PYROXD2: variants seen among roughly 807,000 people sequenced by gnomAD.
PYROXD2 encodes pyridine nucleotide-disulfide oxidoreductase domain-containing protein 2.
In PYROXD2, 69 loss-of-function variants were observed where a neutral mutation model predicts 71.1. The ratio of observed to expected loss-of-function variants is 0.97; its 90% CI spans 0.80 to 1.19. PYROXD2 has a LOEUF of 1.19. Ranked by LOEUF, PYROXD2 falls within the 50% of genes most tolerant of loss-of-function variation. The pLI is 0.00. For missense variants in PYROXD2, 745 were observed against 748.9 expected (o/e 0.99, Z 0.06); for synonymous variants, 287 against 302.7 (o/e 0.95, Z 0.54).
In PYROXD2 at chr10:98,399,902, G is replaced by A. The variant is rs533367407; in HGVS notation, c.471+200C>T. ...GGTGAGCAGGCCTCCCAGTCCACTGGTCTTAATCAGCATCCTCCACCCGCT... is the reference window on the plus strand; with the variant it reads ...GGTGAGCAGGCCTCCCAGTCCACTGATCTTAATCAGCATCCTCCACCCGCT... On this transcript the variant is annotated intron_variant, in intron 5 of 15. Transcript: ENST00000370575. Among the ~76,000 whole-genome samples the A allele has an allele frequency of 8.1e-4, 124 of 152,310 alleles. 1 individual carries two copies. The highest frequency in any genetic ancestry group is 1.4e-3 in the Non-Finnish European group (93 of 68,024).
intron 4 of PYROXD2, among the ~76,000 whole-genome samples, chr10:98,403,931 C>T (rs1843507904): frequency 6.6e-6 from 1 of 152,170 alleles, no homozygotes; most frequent in East Asian, 1.9e-4. Context: ...AAATCAGGGA[C>T]CTAAGAGGAA....
intron 2 of PYROXD2, chr10:98,410,672 TC>T: frequency 2.0e-6 from 1 of 512,512 alleles, no homozygotes; most frequent in South Asian, 3.1e-5. Context: ...TTCTGGAAGC[TC>T]CCTGACTCCC....
At chr10:98,412,604 C>T (rs777740849) in intron 1 of PYROXD2, among the ~76,000 whole-genome samples, 1 of 152,186 alleles carries the variant, frequency 6.6e-6, no homozygotes, top group Non-Finnish European at 1.5e-5. Context: ...AAATGAGATT[C>T]ATCTTCAAGG....
At chr10:98,395,570 C>T (rs933015058) in intron 6 of PYROXD2, 118 bp from the exon 7 acceptor site, 2 of 830,196 alleles carry the variant, frequency 2.4e-6, no homozygotes, top group Non-Finnish European at 4.1e-6. Flanking sequence ...GGTGGTATAG[C>T]ACAGCCAATG....
chr10:98,412,301 C>A (rs954024582), intron 1 of PYROXD2, among the ~76,000 whole-genome samples: 6 of 152,212 alleles, frequency 3.9e-5, no homozygotes, highest in African/African-American at 1.4e-4. Context: ...CCTGGCTGAG[C>A]CCTCCTTGGC....
chr10:98,387,302 C>T lies in PYROXD2; in HGVS notation c.1453G>A (p.Asp485Asn), dbSNP rs1387954617. 2.5e-6 allele frequency: 4 copies of T among 1,612,922 alleles called. No individual in the cohort carries two copies. The highest frequency in any genetic ancestry group is 1.1e-5 in the South Asian group (1 of 91,000). The change falls in exon 14 of 16, where the codon GAT (aspartate) becomes AAT (asparagine). Residue 485 changes from aspartate to asparagine, a missense_variant. Coordinates refer to ENST00000370575, the MANE Select transcript of PYROXD2 (RefSeq NM_032709.3). ...ERDAYADRVF[D>N]CIEVYAPGFK... ...CCAGGGGCATAGACCTCGATGCAAT[C>T]AAACACTGGGGTGCCAAAAACAGAG...
At chr10:98,385,183 T>G (rs532792558) in intron 14 of PYROXD2, 116 bp from the exon 15 acceptor site, 1 of 1,396,202 alleles carries the variant, frequency 7.2e-7, no homozygotes, top group East Asian at 2.6e-5. Flanking sequence ...CCAGGATATT[T>G]TCTTGGGTTT....
At position 98,410,957 on chromosome 10, in the gene PYROXD2, T is replaced by G; in HGVS notation, c.129A>C (p.Gly43=). 1 of 1,563,650 alleles carries G rather than the reference T, an allele frequency of 6.4e-7. No homozygotes were observed. The highest frequency in any genetic ancestry group is 1.9e-5 in the Admixed American group (1 of 51,870). Residue 43 remains glycine (G), a splice_region_variant and synonymous_variant, in exon 2 of 16, where the codon GGA becomes GGC. Transcript: ENST00000370575. The part of the protein sequence containing the change: ...PEYDAVVIGA[G]HNGLVAAAYL... ...TACTCACAGCCACCAGTCCGTTGTG[T>G]CCTGCAACAAAACGGGACAGGGAAG...
Position 98,388,594 on chromosome 10 carries a change from G to T in PYROXD2, c.1293-86C>A, listed in dbSNP as rs1287073580. 21 of 1,343,324 alleles carry T rather than the reference G, an allele frequency of 1.6e-5. No homozygotes were observed. The East Asian group carries it at 4.7e-4, about 30-fold the overall frequency. The allele number at this position is 1,343,324 out of a possible 1,614,324, so 83.2% of individuals were successfully genotyped here. ...CGAGATGACTTGGGACACAGTGGAG[G>T]CCCTGAGATGACACCAATTCTGGGC... On this transcript the variant is annotated intron_variant, in intron 12 of 15. Coordinates refer to ENST00000370575, the MANE Select transcript of PYROXD2 (RefSeq NM_032709.3).
At chr10:98,385,262 C>A (rs1184297932) in intron 14 of PYROXD2, among the ~76,000 whole-genome samples, 195 bp from the exon 15 acceptor site, 1 of 152,198 alleles carries the variant, frequency 6.6e-6, no homozygotes, top group East Asian at 1.9e-4. Flanking sequence ...TGAAGTTTTC[C>A]AGAGGCTTTT....
intron 5 of PYROXD2, among the ~76,000 whole-genome samples, chr10:98,398,638 C>T (rs73333638): frequency 4.2e-4 from 64 of 152,288 alleles, no homozygotes; most frequent in African/African-American, 1.5e-3. Flanking sequence ...TCACTTTCCA[C>T]GATGGGAAAT....
chr10:98,396,612 C>A (rs1244540105), intron 6 of PYROXD2, among the ~76,000 whole-genome samples: 1 of 152,150 alleles, frequency 6.6e-6, no homozygotes, highest in African/African-American at 2.4e-5. Context: ...CCTTGCTGAG[C>A]CCAAATCTAG....
chr10:98,394,417 A>G (rs1428754638), intron 8 of PYROXD2, among the ~76,000 whole-genome samples: 1 of 151,706 alleles, frequency 6.6e-6, no homozygotes, highest in East Asian at 1.9e-4. Flanking sequence ...GTGTTGAAAA[A>G]CCACTTCCGA....
At chr10:98,400,377 G>T (rs1590960063) in intron 4 of PYROXD2, 120 bp from the exon 5 acceptor site, 1 of 908,298 alleles carries the variant, frequency 1.1e-6, no homozygotes, top group Non-Finnish European at 1.6e-6. Flanking sequence ...CCAAGTGTAT[G>T]GTCCTGGTGT....
At position 98,385,040 on chromosome 10, in the gene PYROXD2, C is replaced by T; in HGVS notation, c.1582G>A (p.Asp528Asn). Residue 528 changes from aspartate to asparagine, a missense_variant, in exon 15 of 16, where the codon GAC becomes AAC. Physicochemically the swap from Asp to Asn is conservative, Grantham distance 23 (BLOSUM62 1). Coordinates refer to ENST00000370575, the MANE Select transcript of PYROXD2 (RefSeq NM_032709.3). ...ACGGGGCGGGCGAAGTAGAGCTGGT[C>T]CAGGGACATGGCGCAGTGGAATATG... ...GNIFHCAMSL[D>N]QLYFARPVPL... 1 of 1,613,828 alleles carries T rather than the reference C, an allele frequency of 6.2e-7. No homozygotes were observed. The highest frequency in any genetic ancestry group is 8.5e-7 in the Non-Finnish European group (1 of 1,179,894).
chr10:98,397,278 A>G, intron 6 of PYROXD2, 67 bp downstream of exon 6: 1 of 1,490,120 alleles, frequency 6.7e-7, no homozygotes, highest in South Asian at 1.4e-5. Flanking sequence ...GTGTCTAGGC[A>G]TCGAGACAAT....
At chr10:98,391,191 T>C (rs1158843304) in intron 10 of PYROXD2, 109 bp from the exon 11 acceptor site, 2 of 765,604 alleles carry the variant, frequency 2.6e-6, no homozygotes, top group Non-Finnish European at 4.6e-6. Flanking sequence ...GGAAATCCTC[T>C]TCATCCTTCA....
chr10:98,392,687 T>G, intron 9 of PYROXD2, 121 bp from the exon 10 acceptor site: 1 of 1,476,336 alleles, frequency 6.8e-7, no homozygotes, highest in African/African-American at 1.4e-5. Context: ...CCCAAACCCA[T>G]CCCACCAAGT....
At chr10:98,386,327 G>GAGGA (rs57195135) in intron 14 of PYROXD2, among the ~76,000 whole-genome samples, 3,107 of 134,902 alleles carry the variant, frequency 0.023, 53 homozygotes, top group African/African-American at 0.039. Flanking sequence ...GGAAGGGAGG[G>GAGGA]AGGAAGGAAG....
Sources: gnomAD v4.1 joint callset for allele counts (sites outside exome capture counted in the v4.1 genomes callset) on GRCh38, gnomAD v4.1.1 for gene constraint, MANE v1.5 for transcripts, NCBI Gene and HGNC (gene_info 2026-07-23, HGNC 2026-07-21) for gene names.